The following WDR47 variants were observed in gnomAD, a reference collection of about 807,000 sequenced individuals.
The protein encoded by WDR47 is WD repeat domain 47.
In WDR47, 32 loss-of-function variants were observed where a neutral mutation model predicts 97.2. That is an observed-to-expected ratio of 0.33 (90% CI 0.25 to 0.44). The LOEUF (loss-of-function observed/expected upper bound fraction) is 0.44, where lower values mean the gene tolerates loss of function less well. WDR47 is among the 20% of genes least tolerant of loss of function. The pLI, the probability that WDR47 is intolerant of heterozygous loss-of-function variation, is 1.00. For synonymous variants in WDR47, 375 were observed against 373.5 expected, an observed-to-expected ratio of 1.00 and a Z score of -0.05; for missense variants, 782 against 1,102.3, an observed-to-expected ratio of 0.71 and a Z score of 4.11.
intron 13 of WDR47, among the ~76,000 whole-genome samples, chr1:108,975,716 A>C (rs1186384570): frequency 6.6e-6 from 1 of 152,100 alleles, no homozygotes; most frequent in African/African-American, 2.4e-5. Context: ...GCTCTAGACC[A>C]AAGTGGTCTA....
intron 5 of WDR47, among the ~76,000 whole-genome samples, chr1:109,009,308 G>T (rs1252032895): frequency 6.6e-6 from 1 of 152,148 alleles, no homozygotes; most frequent in South Asian, 2.1e-4. Context: ...CTGGAAAAAT[G>T]AGGCAGAAAG....
At chr1:108,972,947 G>GAA (rs10712683) in intron 14 of WDR47, among the ~76,000 whole-genome samples, 7 of 116,152 alleles carry the variant, frequency 6.0e-5, no homozygotes, top group South Asian at 2.6e-4. Context: ...CTCTGTCTCA[G>GAA]AAAAAAAAAA....
intron 1 of WDR47, among the ~76,000 whole-genome samples, chr1:109,029,803 G>A (rs1662487526): frequency 6.6e-6 from 1 of 151,114 alleles, no homozygotes; most frequent in South Asian, 2.1e-4. Flanking sequence ...TTGAGCCCAG[G>A]AGGTGGAGGC....
chr1:109,016,017 G>T (rs1661390531), intron 3 of WDR47, among the ~76,000 whole-genome samples: 1 of 150,236 alleles, frequency 6.7e-6, no homozygotes, highest in Non-Finnish European at 1.5e-5. Context: ...AATTTAAGGG[G>T]TTATATTCAA....
At chr1:108,982,004 C>T (rs1658380360) in intron 12 of WDR47, 140 bp from the exon 13 acceptor site, 5 of 918,346 alleles carry the variant, frequency 5.4e-6, no homozygotes, top group Non-Finnish European at 6.3e-6. Flanking sequence ...AGGAGGACTG[C>T]TGGAGCCCAG....
At position 109,033,855 on chromosome 1, in the gene WDR47, G is replaced by A. The variant is rs531800330; in HGVS notation, c.-10+8007C>T. Among the ~76,000 whole-genome samples the A allele has an allele frequency of 3.4e-4, 52 of 152,346 alleles. 1 individual carries two copies. The highest frequency in any genetic ancestry group is 1.2e-3 in the African/African-American group (51 of 41,576). ...AATTGCTTGAACCAGGGAGTCGGAGGTTGCAGTGAGCCGAGATCCGTGCCA... is the reference window on the plus strand; with the variant it reads ...AATTGCTTGAACCAGGGAGTCGGAGATTGCAGTGAGCCGAGATCCGTGCCA... On this transcript the variant is annotated intron_variant, in intron 1 of 14. Coordinates refer to ENST00000369962, the MANE Select transcript of WDR47 (RefSeq NM_001142551.2).
intron 10 of WDR47, 38 bp downstream of exon 10, chr1:108,986,485 C>A: frequency 6.5e-7 from 1 of 1,540,312 alleles, no homozygotes; most frequent in South Asian, 1.3e-5. Context: ...AAATTAAAAA[C>A]TAAGGTAAGA....
rs1322116827 is a variant in WDR47 at position 108,971,510 on chromosome 1, A to T, written c.2680T>A (p.Cys894Ser). ...VGEHKDKVIQ[C>S]RWHTQDLSFL... is the part of the protein sequence containing the mutation. ...GAAAGATCCTGGGTGTGCCATCTGC[A>T]CTGAATCACTTTGTCCTTGTGCTCC... Residue 894 changes from cysteine (C) to serine (S), a missense_variant, in exon 15 of 15, where the codon TGC becomes AGC. By Grantham distance (112) the Cys-to-Ser change is moderately radical. Coordinates refer to ENST00000369962, the MANE Select transcript of WDR47 (RefSeq NM_001142551.2). The T allele has an allele frequency of 6.8e-6, 11 of 1,614,094 alleles. No homozygotes were observed. The highest frequency in any genetic ancestry group is 1.3e-5 in the African/African-American group (1 of 74,916).
chr1:109,040,600 T>C (rs918375167), intron 1 of WDR47, among the ~76,000 whole-genome samples: 2 of 152,208 alleles, frequency 1.3e-5, no homozygotes, highest in African/African-American at 2.4e-5. Flanking sequence ...CAATATACTG[T>C]TGTGACTTGA....
At chr1:109,024,111 T>C (rs1327863595) in intron 1 of WDR47, among the ~76,000 whole-genome samples, 1 of 152,198 alleles carries the variant, frequency 6.6e-6, no homozygotes, top group Non-Finnish European at 1.5e-5. Context: ...ACCTAAATGA[T>C]GACCTGGTCA....
chr1:109,005,817 C>A (rs565961250), intron 5 of WDR47, among the ~76,000 whole-genome samples: 1 of 151,834 alleles, frequency 6.6e-6, no homozygotes, highest in Admixed American at 6.6e-5. Context: ...TACAGCGAGC[C>A]GAGATCACGC....
chr1:108,982,564 G>C, intron 12 of WDR47, 45 bp downstream of exon 12: 3 of 1,546,202 alleles, frequency 1.9e-6, no homozygotes, highest in Non-Finnish European at 2.6e-6. Flanking sequence ...AAAAAGCACA[G>C]ATTGAACAAA....
chr1:109,018,636 G>A (rs1013456229), intron 2 of WDR47, among the ~76,000 whole-genome samples: 1 of 152,022 alleles, frequency 6.6e-6, no homozygotes, highest in Non-Finnish European at 1.5e-5. Flanking sequence ...GAAACATGGC[G>A]AAACCCTGGC....
chr1:109,038,391 A>G (rs1663105299), intron 1 of WDR47, among the ~76,000 whole-genome samples: 1 of 152,212 alleles, frequency 6.6e-6, no homozygotes, highest in Non-Finnish European at 1.5e-5. Context: ...AATTTAAAAA[A>G]TATCGAGCCA....
chr1:108,992,679 A>G (rs1390179114), intron 8 of WDR47: 8 of 1,516,630 alleles, frequency 5.3e-6, no homozygotes, highest in Non-Finnish European at 7.2e-6. Context: ...TACAGAGCTC[A>G]TGGTCGGATT....
In WDR47 at chr1:109,002,413, T is replaced by G. The variant is rs370240475; in HGVS notation, c.1255-11A>C. 1.3e-4 allele frequency: 203 copies of G among 1,566,418 alleles called. No individual in the cohort carries two copies. The highest frequency in any genetic ancestry group is 1.6e-4 in the Non-Finnish European group (189 of 1,159,418). On this transcript the variant is annotated splice_polypyrimidine_tract_variant and intron_variant, in intron 6 of 14. Coordinates refer to ENST00000369962, the MANE Select transcript of WDR47 (RefSeq NM_001142551.2). ...TGTTGAATCTCGAAGCTTAAAAACA[T>G]TAGAAAAAAACATATATATTTGAGC...
At chr1:109,038,499 CA>C (rs1226125397) in intron 1 of WDR47, among the ~76,000 whole-genome samples, 8 of 151,292 alleles carry the variant, frequency 5.3e-5, no homozygotes, top group African/African-American at 1.7e-4. Flanking sequence ...GGCAACATGG[CA>C]AAACCCTATC....
chr1:108,995,446 G>T, intron 8 of WDR47, 134 bp downstream of exon 8: 1 of 965,326 alleles, frequency 1.0e-6, no homozygotes, highest in Non-Finnish European at 1.5e-6. Context: ...GACAAATGAA[G>T]GCAGATTAGG....
intron 5 of WDR47, among the ~76,000 whole-genome samples, chr1:109,005,535 C>G (rs1374529284): frequency 6.6e-6 from 1 of 152,134 alleles, no homozygotes; most frequent in African/African-American, 2.4e-5. Flanking sequence ...TGGAGGAGTA[C>G]CAGGTTATTA....
Sources: gnomAD v4.1 joint callset for allele counts (sites outside exome capture counted in the v4.1 genomes callset) on GRCh38, gnomAD v4.1.1 for gene constraint, MANE v1.5 for transcripts, NCBI Gene and HGNC (gene_info 2026-07-23, HGNC 2026-07-21) for gene names.